Variants in UFD1 observed in about 807,000 individuals in gnomAD.
UFD1 encodes ubiquitin recognition factor in ER-associated degradation protein 1.
A neutral mutation model predicts 45.9 loss-of-function variants in UFD1; 13 were observed. The observed-to-expected ratio is 0.28, with a 90% confidence interval of 0.18 to 0.45. The LOEUF is 0.45. UFD1 is among the 20% of genes least tolerant of loss of function. The pLI, the probability that UFD1 is intolerant of heterozygous loss-of-function variation, is 1.00. For missense variants in UFD1, 218 were observed against 389.2 expected (o/e 0.56, Z 3.70); for synonymous variants, 128 against 139.2 (o/e 0.92, Z 0.56).
intron 1 of UFD1, 199 bp downstream of exon 1, chr22:19,478,884 G>A (rs2089918446): frequency 1.4e-5 from 9 of 634,788 alleles, no homozygotes; most frequent in Non-Finnish European, 2.3e-5. Context: ...GCCACGTTCA[G>A]GACCGGCGGA....
intron 3 of UFD1, among the ~76,000 whole-genome samples, chr22:19,474,337 G>C (rs768024065): frequency 6.6e-6 from 1 of 152,092 alleles, no homozygotes. Context: ...CTGAGGTCAG[G>C]AGTTCAAGAC....
intron 4 of UFD1, chr22:19,470,731 C>T (rs545351373): frequency 6.1e-5 from 28 of 455,410 alleles, no homozygotes; most frequent in Admixed American, 5.4e-4. Flanking sequence ...CGTGAGCCAC[C>T]GTACCTGGCC....
intron 6 of UFD1, among the ~76,000 whole-genome samples, chr22:19,462,647 G>T (rs536123744): frequency 3.3e-5 from 5 of 152,116 alleles, no homozygotes; most frequent in African/African-American, 1.2e-4. Flanking sequence ...TCCAGCCAGG[G>T]TGAGACAAAG....
At chr22:19,453,457 G>A (rs1601885359) in intron 11 of UFD1, 1 of 985,438 alleles carries the variant, frequency 1.0e-6, no homozygotes, top group African/African-American at 1.7e-5. Context: ...GTGCCCACTG[G>A]CCTCCCCTGC....
At chr22:19,454,905 A>C in intron 10 of UFD1, 75 bp from the exon 11 acceptor site, 1 of 1,500,450 alleles carries the variant, frequency 6.7e-7, no homozygotes, top group South Asian at 1.3e-5. Flanking sequence ...GACAGTCAAG[A>C]GGAACGCAGA....
At position 19,452,417 on chromosome 22, in the gene UFD1, A is replaced by G. The variant is rs537058718; in HGVS notation, c.850-1673T>C. On this transcript the variant is annotated intron_variant, in intron 11 of 11. Transcript: ENST00000263202. Reference sequence around the variant, plus strand: ...CAACACAGAAACACTGGAGGGACACAATCCAGCTCATAAGAGTTGGTACAG... The same window carrying G: ...CAACACAGAAACACTGGAGGGACACGATCCAGCTCATAAGAGTTGGTACAG... The G allele has an allele frequency of 9.2e-5, 14 of 152,314 alleles. No homozygotes were observed. The East Asian group carries it at 2.7e-3, about 29-fold the overall frequency. 9.4% of individuals were successfully genotyped at this position (152,314 alleles called of 1,614,324 possible).
chr22:19,479,008 C>T, intron 1 of UFD1, 75 bp downstream of exon 1: 1 of 1,414,952 alleles, frequency 7.1e-7, no homozygotes, highest in Non-Finnish European at 9.7e-7. Flanking sequence ...CGTCCCGCCC[C>T]GCCCTGCCCC....
chr22:19,474,562 A>G (rs577546189), intron 3 of UFD1, among the ~76,000 whole-genome samples: 178 of 152,142 alleles, frequency 1.2e-3, no homozygotes, highest in Middle Eastern at 3.4e-3. Context: ...ATAAATAAAT[A>G]AATAAATAAA....
chr22:19,466,374 C>A (rs558191768), intron 5 of UFD1: 1 of 152,302 alleles, frequency 6.6e-6, no homozygotes, highest in African/African-American at 2.4e-5. Context: ...CCTGCTGCAG[C>A]ACCAGCTTCC....
At chr22:19,470,464 TG>T (rs1187090619) in intron 4 of UFD1, among the ~76,000 whole-genome samples, 4 of 150,722 alleles carry the variant, frequency 2.7e-5, no homozygotes, top group African/African-American at 9.7e-5. Context: ...TTTTTTGAGA[TG>T]GAGTCTCGCT....
chr22:19,474,942 A>G, intron 3 of UFD1, 126 bp downstream of exon 3: 1 of 985,142 alleles, frequency 1.0e-6, no homozygotes, highest in Non-Finnish European at 1.5e-6. Context: ...CATGCCCTCC[A>G]CGGACAATTC....
chr22:19,471,642 C>T, intron 4 of UFD1, 45 bp downstream of exon 4: 1 of 1,601,086 alleles, frequency 6.2e-7, no homozygotes, highest in Non-Finnish European at 8.5e-7. Flanking sequence ...GGAGATGTCT[C>T]TGCCTAAGTG....
intron 6 of UFD1, among the ~76,000 whole-genome samples, chr22:19,464,996 G>A (rs1679687138): frequency 6.6e-6 from 1 of 152,172 alleles, no homozygotes; most frequent in Admixed American, 6.5e-5. Flanking sequence ...ATGTTCCCCT[G>A]TAAATGCAAT....
At chr22:19,469,903 T>TG (rs1432422008) in intron 4 of UFD1, 3 of 517,440 alleles carry the variant, frequency 5.8e-6, no homozygotes, top group Non-Finnish European at 3.9e-6. Flanking sequence ...TCCAACAGCT[T>TG]GGACAAGAGG....
intron 6 of UFD1, among the ~76,000 whole-genome samples, chr22:19,459,143 GAACCATGGTC>G (rs759136423): frequency 1.3e-5 from 2 of 152,196 alleles, no homozygotes; most frequent in Non-Finnish European, 2.9e-5. Flanking sequence ...ATTCTAGGTA[GAACCATGGTC>G]AGGGACTGTC....
intron 10 of UFD1, 83 bp downstream of exon 10, chr22:19,455,597 C>T: frequency 7.4e-7 from 1 of 1,345,660 alleles, no homozygotes; most frequent in Non-Finnish European, 1.0e-6. Context: ...GCTTTGTCTC[C>T]AGAACTGGGG....
At chr22:19,456,695 C>A (rs576349280) in intron 8 of UFD1, 61 bp from the exon 9 acceptor site, 3 of 1,613,430 alleles carry the variant, frequency 1.9e-6, no homozygotes, top group Non-Finnish European at 2.5e-6. Flanking sequence ...TTCCCTCTCA[C>A]CCCCACCCCC....
chr22:19,477,182 CAGG>C (rs944445247), intron 1 of UFD1, among the ~76,000 whole-genome samples: 176 of 152,158 alleles, frequency 1.2e-3, no homozygotes, highest in African/African-American at 4.1e-3. Flanking sequence ...TAAAATCTCA[CAGG>C]AGGATATATA....
chr22:19,462,142 G>T (rs1020303981), intron 6 of UFD1, among the ~76,000 whole-genome samples: 1 of 151,352 alleles, frequency 6.6e-6, no homozygotes, highest in South Asian at 2.1e-4. Flanking sequence ...TGGGACTACA[G>T]GTGCATGCCA....
Sources: allele counts gnomAD v4.1 joint callset (sites outside exome capture counted in the v4.1 genomes callset), GRCh38; gene constraint gnomAD v4.1.1; transcripts MANE v1.5; gene names NCBI Gene and HGNC (gene_info 2026-07-23, HGNC 2026-07-21).